The following ZNF347 variants were observed in gnomAD, a reference collection of about 807,000 sequenced individuals.
The protein encoded by ZNF347 is zinc finger protein 347, also known as CTD-2620I22.7.
In ZNF347, 19 loss-of-function variants were observed where a neutral mutation model predicts 12.9. That is an observed-to-expected ratio of 1.47 (90% CI 1.03 to 2.16). The LOEUF (loss-of-function observed/expected upper bound fraction) is 2.16. Ranked by LOEUF, ZNF347 falls within the 30% of genes most tolerant of loss-of-function variation. The probability of loss-of-function intolerance (pLI) is 0.00; values close to 1 mark genes in which losing one functional copy is unlikely to be tolerated. For synonymous variants in ZNF347, 328 were observed against 340.6 expected, an observed-to-expected ratio of 0.96 and a Z score of 0.41; for missense variants, 1,005 against 990.6, an observed-to-expected ratio of 1.01 and a Z score of -0.19.
intron 4 of ZNF347, among the ~76,000 whole-genome samples, chr19:53,145,481 T>G (rs1430209919): frequency 6.6e-6 from 1 of 150,920 alleles, no homozygotes; most frequent in African/African-American, 2.4e-5. Context: ...CAACCTCCAC[T>G]TCCTGGGCTC....
At chr19:53,146,351 T>C (rs997563949) in intron 4 of ZNF347, among the ~76,000 whole-genome samples, 1 of 151,900 alleles carries the variant, frequency 6.6e-6, no homozygotes, top group African/African-American at 2.4e-5. Flanking sequence ...CATAACTCAC[T>C]GCAGCCTTGA....
chr19:53,147,248 G>A lies in ZNF347; in HGVS notation c.271+1433C>T, dbSNP rs970571335. Among the ~76,000 whole-genome samples the A allele has an allele frequency of 5.9e-5, 9 of 152,080 alleles. No homozygotes were observed. In the East Asian group the frequency reaches 1.7e-3, roughly 29 times the overall value. On this transcript the variant is annotated intron_variant, in intron 4 of 4. Transcript: ENST00000334197. ...AAATCAGCCAAGTGTGGTGGCACAC[G>A]CCTGTAATCCCAGCTACTTGGGAGG...
intron 4 of ZNF347, among the ~76,000 whole-genome samples, chr19:53,147,714 C>T (rs190387534): frequency 2.0e-5 from 3 of 152,056 alleles, no homozygotes; most frequent in Admixed American, 2.0e-4. Flanking sequence ...GACAAGGACA[C>T]CACAACAAAA....
intron 1 of ZNF347, among the ~76,000 whole-genome samples, chr19:53,156,051 G>GGGGGGGGGGGGTA (rs2090532942): frequency 7.2e-6 from 1 of 139,666 alleles, no homozygotes; most frequent in Non-Finnish European, 1.6e-5. Flanking sequence ...AGCTCGGGGG[G>GGGGGGGGGGGGTA]GGGGGGGGGT....
In ZNF347 at chr19:53,135,160, C is replaced by T. The variant is rs1037662221; in HGVS notation, c.*5148G>A. 6.6e-6 allele frequency: 1 copy of T among 151,906 alleles called. No individual in the cohort carries two copies. The highest frequency in any genetic ancestry group is 2.4e-5 in the African/African-American group (1 of 41,324). The allele number at this position is 151,906 out of a possible 1,614,324, so 9.4% of individuals were successfully genotyped here. A position where few individuals can be genotyped will look rare whatever the true frequency, so the allele number is the denominator to read the frequency against. On this transcript the variant is annotated 3_prime_UTR_variant, in exon 5 of 5. Transcript: ENST00000334197. ...GATTCTGCCTCTTACTGAAATGTGA[C>T]AAGATGAGTCTTTTAAAGCAGAATA...
At chr19:53,152,754 C>T (rs1031795925) in intron 2 of ZNF347, among the ~76,000 whole-genome samples, 7 of 151,360 alleles carry the variant, frequency 4.6e-5, no homozygotes, top group African/African-American at 1.7e-4. Flanking sequence ...CACAGTGAAA[C>T]CCCGTCTCTA....
In ZNF347 at chr19:53,142,058, C is replaced by T; in HGVS notation, c.770G>A (p.Trp257Ter). The T allele has an allele frequency of 6.2e-7, 1 of 1,613,468 alleles. No homozygotes were observed. Among genetic ancestry groups the T allele is most frequent in the Non-Finnish European group, 8.5e-7 (1 of 1,179,872 alleles). ...TCCATTAGATTTGTAAGGGCTTCCC[C>T]AATTATTTGCTTTTTGCCCCTGTGT... ...LLTQGQKANN[W>*]GSPYKSNGCG... is the part of the protein sequence containing the mutation. Residue 257 changes from tryptophan to a stop codon, truncating the protein, a stop_gained, in exon 5 of 5, where the codon TGG (tryptophan) becomes TAG (stop). Transcript: ENST00000334197. LOFTEE classifies it low-confidence loss of function (END_TRUNC).
At chr19:53,145,015 C>T (rs997799499) in intron 4 of ZNF347, among the ~76,000 whole-genome samples, 2 of 151,956 alleles carry the variant, frequency 1.3e-5, no homozygotes, top group Admixed American at 6.6e-5. Context: ...CATGGCTGGG[C>T]GTGATGGCTC....
At chr19:53,142,621 G>A (rs555387595) in intron 4 of ZNF347, 65 bp from the exon 5 acceptor site, 178 of 1,243,268 alleles carry the variant, frequency 1.4e-4, no homozygotes, top group South Asian at 3.9e-4. Flanking sequence ...ATTTTACACC[G>A]AAAAACAATA....
chr19:53,143,674 G>A (rs1380953258), intron 4 of ZNF347, among the ~76,000 whole-genome samples: 1 of 152,024 alleles, frequency 6.6e-6, no homozygotes, highest in Non-Finnish European at 1.5e-5. Flanking sequence ...TGTGAATAGT[G>A]CCACAATAAA....
In ZNF347 at chr19:53,149,270, A is replaced by T; in HGVS notation, c.113T>A (p.Leu38Ter). 6.2e-7 allele frequency: 1 copy of T among 1,613,506 alleles called. No homozygotes were observed. The highest frequency in any genetic ancestry group is 8.5e-7 in the Non-Finnish European group (1 of 1,179,846). Residue 38 changes from leucine to a stop codon, truncating the protein, a stop_gained, in exon 3 of 5, where the codon TTG (leucine) becomes TAG (stop). Transcript: ENST00000334197. LOFTEE classifies it high-confidence loss of function. ...AQRTLYRDVM[L>*]ENYRNLASLG... ...GGAGGCCAGGTTCCTATAATTCTCC[A>T]ACATCACGTCCCTGTACAAAGTCCT...
rs2090402245 is a variant in ZNF347, at chr19:53,138,947, G to T, written c.*1361C>A. 1 of 152,010 alleles carries T rather than the reference G, an allele frequency of 6.6e-6. No homozygotes were observed. Among genetic ancestry groups the T allele is most frequent in the South Asian group, 2.1e-4 (1 of 4,834 alleles). The allele number at this position is 152,010 out of a possible 1,614,324, so 9.4% of individuals were successfully genotyped here. ...AAACAAAAAAAACCATGGTATTCTG[G>T]TTTTTCTGACCAAGCTCTCCACTCT... is the stretch of plus-strand genomic sequence containing the variant. On this transcript the variant is annotated 3_prime_UTR_variant, in exon 5 of 5. Transcript: ENST00000334197.
Position 53,137,997 on chromosome 19 carries a change from T to G in ZNF347, c.*2311A>C, listed in dbSNP as rs1394253425. On this transcript the variant is annotated 3_prime_UTR_variant, in exon 5 of 5. Coordinates refer to ENST00000334197, the MANE Select transcript of ZNF347 (RefSeq NM_032584.3). ...TATATTTGGTATTTTTTAGTAGAGATGGGGTTTCACTGTGTTGGCCAGGGT... is the reference window on the plus strand; with the variant it reads ...TATATTTGGTATTTTTTAGTAGAGAGGGGGTTTCACTGTGTTGGCCAGGGT... The G allele has an allele frequency of 6.6e-6, 1 of 152,018 alleles. No individual in the cohort carries two copies. Among genetic ancestry groups the G allele is most frequent in the Non-Finnish European group, 1.5e-5 (1 of 67,984 alleles). 9.4% of individuals were successfully genotyped at this position (152,018 alleles called of 1,614,324 possible).
intron 2 of ZNF347, among the ~76,000 whole-genome samples, chr19:53,151,217 CTGGGAATAAGAA>C (rs1286082066): frequency 6.6e-6 from 1 of 152,094 alleles, no homozygotes; most frequent in Non-Finnish European, 1.5e-5. Context: ...ATCCAGGTGT[CTGGGAATAAGAA>C]TTAAACCTAA....
chr19:53,151,376 A>C (rs1336172319), intron 2 of ZNF347, among the ~76,000 whole-genome samples: 1 of 151,954 alleles, frequency 6.6e-6, no homozygotes, highest in Non-Finnish European at 1.5e-5. Flanking sequence ...TCTACTAAAA[A>C]AATACAAAAA....
At chr19:53,154,009 C>T (rs557821346) in intron 1 of ZNF347, among the ~76,000 whole-genome samples, 1 of 152,088 alleles carries the variant, frequency 6.6e-6, no homozygotes, top group Non-Finnish European at 1.5e-5. Flanking sequence ...GAGTTTCTGA[C>T]CCCTTTCTTC....
chr19:53,141,451 A>G lies in ZNF347; in HGVS notation c.1377T>C (p.Cys459=), dbSNP rs61729686. 4,226 of 1,613,912 alleles carry G rather than the reference A, an allele frequency of 2.6e-3. 73 individuals are homozygous for G. In the African/African-American group the frequency reaches 0.039, roughly 15 times the overall value. ...GCCTAAAGACCTTGCCGCATTCATG[A>G]CATTTGTAAGGCTTTTCTCCGGTGT... ...VIHTGEKPYK[C]HECGKVFRRN... Residue 459 remains cysteine (C), a synonymous_variant, in exon 5 of 5, where the codon TGT becomes TGC. Transcript: ENST00000334197.
rs1568632908 is a variant in ZNF347, at chr19:53,136,566, CTAAAAA to C, written c.*3736_*3741del. On this transcript the variant is annotated 3_prime_UTR_variant, in exon 5 of 5. Transcript: ENST00000334197. ...TGGCCAACATAGCGAGACCCCACGT[CTAAAAA>C]GAAAAAGAAAAAAAAAAAGAAAAGA... 1.4e-5 allele frequency: 2 copies of C among 145,136 alleles called. No homozygotes were observed. Among genetic ancestry groups the C allele is most frequent in the African/African-American group, 5.0e-5 (2 of 39,808 alleles). 9.0% of individuals were successfully genotyped at this position (145,136 alleles called of 1,614,324 possible).
In ZNF347 at chr19:53,138,359, C is replaced by T. The variant is rs1243771558; in HGVS notation, c.*1949G>A. ...TTCAAACTCCTGGACTCAAGTGACC[C>T]CCCTGCCTTGGGCTCTCAAAGTGCT... On this transcript the variant is annotated 3_prime_UTR_variant, in exon 5 of 5. Transcript: ENST00000334197. The T allele has an allele frequency of 1.3e-5, 2 of 152,056 alleles. No homozygotes were observed. The highest frequency in any genetic ancestry group is 2.9e-5 in the Non-Finnish European group (2 of 68,040). The allele number at this position is 152,056 out of a possible 1,614,324, so 9.4% of individuals were successfully genotyped here.
Sources: allele counts gnomAD v4.1 joint callset (sites outside exome capture counted in the v4.1 genomes callset), GRCh38; gene constraint gnomAD v4.1.1; transcripts MANE v1.5; gene names NCBI Gene and HGNC (gene_info 2026-07-23, HGNC 2026-07-21).